CADPS: variants seen among roughly 807,000 people sequenced by gnomAD.
CADPS encodes the protein calcium dependent secretion activator.
CADPS carries 57 observed loss-of-function variants against 167.3 expected under a neutral mutation model. The ratio of observed to expected loss-of-function variants is 0.34; its 90% CI spans 0.28 to 0.42. The LOEUF (loss-of-function observed/expected upper bound fraction) is 0.42, where lower values mean the gene tolerates loss of function less well. CADPS is among the 20% of genes least tolerant of loss of function. The pLI, the probability that CADPS is intolerant of heterozygous loss-of-function variation, is 1.00. For missense variants in CADPS, 1,414 were observed against 1,738.1 expected (o/e 0.81, Z 3.32); for synonymous variants, 676 against 635.3 (o/e 1.06, Z -0.96).
chr3:62,837,186 G>T (rs1427282196), intron 1 of CADPS, among the ~76,000 whole-genome samples: 8 of 152,142 alleles, frequency 5.3e-5, no homozygotes, highest in East Asian at 1.9e-4. Context: ...TTTTGTTAAG[G>T]TGATGTTTGT....
intron 6 of CADPS, among the ~76,000 whole-genome samples, chr3:62,623,124 T>G (rs1285734763): frequency 6.6e-6 from 1 of 152,180 alleles, no homozygotes; most frequent in East Asian, 1.9e-4. Context: ...ATATGGAAGG[T>G]AAGTGTATCT....
At chr3:62,728,101 G>T (rs771351513) in intron 3 of CADPS, among the ~76,000 whole-genome samples, 1 of 151,816 alleles carries the variant, frequency 6.6e-6, no homozygotes, top group Non-Finnish European at 1.5e-5. Context: ...ACACGAAGTC[G>T]CTGTCCCAGG....
At chr3:62,707,213 G>A (rs567037194) in intron 3 of CADPS, among the ~76,000 whole-genome samples, 10 of 152,140 alleles carry the variant, frequency 6.6e-5, no homozygotes, top group African/African-American at 2.2e-4. Flanking sequence ...ATAGGAGCGC[G>A]AACCCTATTG....
intron 1 of CADPS, among the ~76,000 whole-genome samples, chr3:62,775,494 CA>C (rs1052395608): frequency 1.3e-5 from 2 of 151,970 alleles, no homozygotes; most frequent in African/African-American, 4.8e-5. Flanking sequence ...CCACTGATAT[CA>C]AAAAAATCTT....
rs1345995544 is a variant in CADPS at position 62,420,192 on chromosome 3, A to G, written c.3778-17007T>C. ...GATAGTGAAAGGACACAAATATACC[A>G]TCTAAAAGGTACTGTCTGGAATCCT... On this transcript the variant is annotated intron_variant, in intron 28 of 29. Transcript: ENST00000383710. The surrounding 1 kb of genome is among the most constrained non-coding windows in gnomAD (Gnocchi z 4.1). Among the ~76,000 whole-genome samples, 2 of 152,188 alleles carry G rather than the reference A, an allele frequency of 1.3e-5. No homozygotes were observed. Among genetic ancestry groups the G allele is most frequent in the Non-Finnish European group, 2.9e-5 (2 of 68,052 alleles).
intron 3 of CADPS, among the ~76,000 whole-genome samples, chr3:62,721,749 T>C (rs576575451): frequency 7.9e-5 from 12 of 152,232 alleles, no homozygotes; most frequent in Non-Finnish European, 1.6e-4. Context: ...AAAGGCTTTA[T>C]GCACATTATT....
chr3:62,612,691 G>C (rs1404799152), intron 6 of CADPS, among the ~76,000 whole-genome samples: 1 of 152,354 alleles, frequency 6.6e-6, no homozygotes, highest in East Asian at 1.9e-4. Context: ...ATGAGAGCTG[G>C]AGCAGTGATA....
chr3:62,675,553 C>T (rs2076212432), intron 3 of CADPS, among the ~76,000 whole-genome samples: 1 of 152,078 alleles, frequency 6.6e-6, no homozygotes, highest in Admixed American at 6.6e-5. Context: ...TAGTAATCTC[C>T]TCTGAGAGAG....
chr3:62,525,831 G>A (rs945822768), intron 13 of CADPS, among the ~76,000 whole-genome samples: 2 of 152,002 alleles, frequency 1.3e-5, no homozygotes, highest in African/African-American at 4.8e-5. Flanking sequence ...AGAAATAAAA[G>A]GAACCATTAT....
chr3:62,728,276 T>C (rs1043801288), intron 3 of CADPS, among the ~76,000 whole-genome samples: 2 of 151,262 alleles, frequency 1.3e-5, no homozygotes, highest in Admixed American at 6.6e-5. Flanking sequence ...ATCTGGGCTG[T>C]TTCTCCCAGC....
In CADPS at chr3:62,599,323, C is replaced by T. The variant is rs534527199; in HGVS notation, c.1326-6575G>A. 7.3e-5 allele frequency among the ~76,000 whole-genome samples: 11 copies of T among 150,858 alleles called. No homozygotes were observed. In the Admixed American group the frequency reaches 7.4e-4, roughly 10 times the overall value. ...CTTACATAAACGTTAAAAATAGCCA[C>T]CAATTATTGAGTACTTATGATTTGC... is the stretch of plus-strand genomic sequence containing the variant. On this transcript the variant is annotated intron_variant, in intron 6 of 29. Transcript: ENST00000383710.
At chr3:62,779,016 T>C (rs1265260576) in intron 1 of CADPS, among the ~76,000 whole-genome samples, 1 of 151,898 alleles carries the variant, frequency 6.6e-6, no homozygotes, top group African/African-American at 2.4e-5. Context: ...GCCTCTTGAG[T>C]AGCTGGGATT....
At chr3:62,677,528 G>T (rs1158598688) in intron 3 of CADPS, among the ~76,000 whole-genome samples, 1 of 152,028 alleles carries the variant, frequency 6.6e-6, no homozygotes, top group Non-Finnish European at 1.5e-5. Flanking sequence ...TGCCAATAGT[G>T]GGTAGAGGCC....
intron 13 of CADPS, among the ~76,000 whole-genome samples, chr3:62,530,451 C>T (rs1000306356): frequency 2.0e-5 from 3 of 152,140 alleles, no homozygotes; most frequent in Admixed American, 1.3e-4. Context: ...AGTCACTGAA[C>T]ACCTGACTCA....
intron 17 of CADPS, among the ~76,000 whole-genome samples, chr3:62,506,831 A>G (rs1272718426): frequency 3.9e-5 from 6 of 152,192 alleles, no homozygotes; most frequent in South Asian, 4.1e-4. Context: ...AGTTGCTTGG[A>G]GAGGAATGCT....
intron 3 of CADPS, among the ~76,000 whole-genome samples, chr3:62,711,146 G>A (rs1238282051): frequency 6.6e-6 from 1 of 152,066 alleles, no homozygotes; most frequent in African/African-American, 2.4e-5. Flanking sequence ...TAAAATATAT[G>A]ATATTATAAA....
chr3:62,557,320 G>T, intron 10 of CADPS, 85 bp downstream of exon 10: 1 of 894,200 alleles, frequency 1.1e-6, no homozygotes, highest in Non-Finnish European at 1.9e-6. Context: ...CTAGCATGGA[G>T]TAAGTGCCCA....
At chr3:62,740,129 G>C (rs573706) in intron 3 of CADPS, among the ~76,000 whole-genome samples, 7 of 152,042 alleles carry the variant, frequency 4.6e-5, no homozygotes, top group Admixed American at 3.9e-4. Flanking sequence ...GGGTTGCTTC[G>C]GAGTTGGCTT....
At chr3:62,405,233 C>A (rs1177259324) in intron 28 of CADPS, among the ~76,000 whole-genome samples, 1 of 151,686 alleles carries the variant, frequency 6.6e-6, no homozygotes, top group South Asian at 2.1e-4. Flanking sequence ...TTCGAGCAAT[C>A]CTGGCAAACT....
Sources: allele counts gnomAD v4.1 joint callset (sites outside exome capture counted in the v4.1 genomes callset), GRCh38; gene constraint gnomAD v4.1.1; non-coding constraint Gnocchi (gnomAD v3.1); transcripts MANE v1.5; gene names NCBI Gene and HGNC (gene_info 2026-07-23, HGNC 2026-07-21).